The following PCDHGA5 variants were observed in gnomAD, a reference collection of about 807,000 sequenced individuals.
PCDHGA5 encodes the protein protocadherin gamma-A5.
Under a neutral mutation model 56.7 loss-of-function variants are expected in PCDHGA5, and 36 were observed. The observed-to-expected ratio is 0.64, with a 90% CI of 0.49 to 0.84. The LOEUF (loss-of-function observed/expected upper bound fraction) is 0.84, where lower values mean the gene tolerates loss of function less well. Ranked by LOEUF, PCDHGA5 falls within the 40% of genes least tolerant of loss-of-function variation. The pLI, the probability that PCDHGA5 is intolerant of heterozygous loss-of-function variation, is 0.00. For synonymous variants in PCDHGA5, 563 were observed against 520.2 expected, an observed-to-expected ratio of 1.08 and a Z score of -1.12; for missense variants, 1,305 against 1,201.5, an observed-to-expected ratio of 1.09 and a Z score of -1.27.
intron 1 of PCDHGA5, among the ~76,000 whole-genome samples, chr5:141,446,739 T>A (rs1292920572): frequency 2.6e-5 from 4 of 152,180 alleles, no homozygotes; most frequent in African/African-American, 7.2e-5. Flanking sequence ...AGTGTGGGGA[T>A]TACAGGCGTG....
At chr5:141,390,285 A>T (rs1428739924) in intron 1 of PCDHGA5, 1 of 1,613,968 alleles carries the variant, frequency 6.2e-7, no homozygotes, top group Non-Finnish European at 8.5e-7. Flanking sequence ...CCATCAGGTG[A>T]GTTTCCTTTA....
rs987203685 is a variant in PCDHGA5 at position 141,403,829 on chromosome 5, C to A, written c.2421+37078C>A. ...TAATGAAAAACAATCTCTGCTATTC[C>A]AGCTTAATGAAAATACTGGGGAAAT... is the stretch of plus-strand genomic sequence containing the variant. On this transcript the variant is annotated intron_variant, in intron 1 of 3. Transcript: ENST00000518069. 1.2e-6 allele frequency: 2 copies of A among 1,613,602 alleles called. No homozygotes were observed. The highest frequency in any genetic ancestry group is 2.2e-5 in the East Asian group (1 of 44,884).
chr5:141,399,643 C>T, intron 1 of PCDHGA5: 1 of 1,613,832 alleles, frequency 6.2e-7, no homozygotes, highest in Non-Finnish European at 8.5e-7. Context: ...CATGAGCGCG[C>T]AAAGTGGGGT....
chr5:141,404,630 C>T (rs1391155615), intron 1 of PCDHGA5: 1 of 1,614,154 alleles, frequency 6.2e-7, no homozygotes, highest in Admixed American at 1.7e-5. Flanking sequence ...TGACAATGCC[C>T]CAGAAATCCT....
chr5:141,380,065 A>G (rs569464120), intron 1 of PCDHGA5, among the ~76,000 whole-genome samples: 1 of 151,950 alleles, frequency 6.6e-6, no homozygotes, highest in East Asian at 1.9e-4. Context: ...ATGCCTAGCT[A>G]ATTTTCATAC....
chr5:141,427,111 C>G (rs1324091636), intron 1 of PCDHGA5: 7 of 457,560 alleles, frequency 1.5e-5, no homozygotes, highest in South Asian at 1.1e-4. Context: ...GCGGAGATCA[C>G]CTACTCTTTC....
At chr5:141,421,184 C>G (rs2096551183) in intron 1 of PCDHGA5, 1 of 1,457,940 alleles carries the variant, frequency 6.9e-7, no homozygotes, top group African/African-American at 1.4e-5. Context: ...CGATTCACAA[C>G]CAACCAGCTC....
rs780268305 is a variant in PCDHGA5, at chr5:141,410,637, T to G, written c.2421+43886T>G. 1.9e-6 allele frequency: 3 copies of G among 1,599,938 alleles called. No homozygotes were observed. In the South Asian group the frequency reaches 3.3e-5, roughly 18 times the overall value. ...CTGACTTCGGTGAGTTTCTCTTTTT[T>G]GTGTGTGATTTATCTAATAGTCTAC... On this transcript the variant is annotated intron_variant, in intron 1 of 3. Transcript: ENST00000518069.
At chr5:141,389,254 T>C (rs1589085552) in intron 1 of PCDHGA5, 1 of 1,614,012 alleles carries the variant, frequency 6.2e-7, no homozygotes. Flanking sequence ...TCCTATATAG[T>C]CCACGTGGCC....
At chr5:141,384,494 T>G (rs900386629) in intron 1 of PCDHGA5, 2 of 1,613,972 alleles carry the variant, frequency 1.2e-6, no homozygotes, top group Admixed American at 1.7e-5. Context: ...CAACTAAGAG[T>G]GACTGCACAT....
At position 141,412,100 on chromosome 5, in the gene PCDHGA5, C is replaced by T. The variant is rs1041242156; in HGVS notation, c.2421+45349C>T. On this transcript the variant is annotated intron_variant, in intron 1 of 3. Coordinates refer to ENST00000518069, the MANE Select transcript of PCDHGA5 (RefSeq NM_018918.3). ...TTGCTACTGGGTTGATGGGCACACA[C>T]AGTTGAAGATATGTGAACCACTGGA... The T allele has an allele frequency of 2.0e-5, 3 of 152,180 alleles. No homozygotes were observed. In the South Asian group the frequency reaches 6.2e-4, roughly 31 times the overall value. 9.4% of individuals were successfully genotyped at this position (152,180 alleles called of 1,614,324 possible).
chr5:141,490,338 C>A lies in PCDHGA5; in HGVS notation c.2422-4469C>A, dbSNP rs1408559629. Reference sequence around the variant, plus strand: ...CTGTCCTAGAGAGCACACCAGTGGGCACAGTAGTGGGGTTGTTTAATGTGC... The same window carrying A: ...CTGTCCTAGAGAGCACACCAGTGGGAACAGTAGTGGGGTTGTTTAATGTGC... On this transcript the variant is annotated intron_variant, in intron 1 of 3. Coordinates refer to ENST00000518069, the MANE Select transcript of PCDHGA5 (RefSeq NM_018918.3). This position sits in a 1 kb window ranked among gnomAD's most constrained non-coding sequence, Gnocchi z 5.4. 6.2e-7 allele frequency: 1 copy of A among 1,614,184 alleles called. No homozygotes were observed. The highest frequency in any genetic ancestry group is 1.7e-5 in the Admixed American group (1 of 60,032).
chr5:141,478,736 T>C (rs2099474016), intron 1 of PCDHGA5: 1 of 1,534,678 alleles, frequency 6.5e-7, no homozygotes, highest in African/African-American at 1.4e-5. Flanking sequence ...GTGTGGTTTG[T>C]GGTCCCATTT....
intron 1 of PCDHGA5, chr5:141,412,443 T>C (rs1479281650): frequency 6.6e-6 from 1 of 152,204 alleles, no homozygotes; most frequent in Non-Finnish European, 1.5e-5. Context: ...TAATTAAGGC[T>C]CAGTAAAACT....
intron 1 of PCDHGA5, chr5:141,373,848 C>T (rs955090382): frequency 2.0e-5 from 9 of 446,824 alleles, no homozygotes; most frequent in Non-Finnish European, 3.5e-5. Flanking sequence ...GGACTCTAAG[C>T]GTCGCTGTTG....
intron 1 of PCDHGA5, chr5:141,428,239 G>T (rs1183885220): frequency 3.0e-6 from 3 of 997,526 alleles, no homozygotes; most frequent in Non-Finnish European, 4.6e-6. Flanking sequence ...CCTGCAGGAG[G>T]CACTGCCAGA....
intron 1 of PCDHGA5, 157 bp from the exon 2 acceptor site, chr5:141,494,650 T>G (rs1366776271): frequency 1.0e-6 from 1 of 960,138 alleles, no homozygotes; most frequent in East Asian, 1.1e-4. Context: ...CTGAGGTGTA[T>G]TTTGTCTTTG....
intron 1 of PCDHGA5, chr5:141,379,714 A>G (rs1315727028): frequency 6.6e-6 from 1 of 152,154 alleles, no homozygotes; most frequent in African/African-American, 2.4e-5. Flanking sequence ...CCTGGCAGTC[A>G]TGGAATTTGC....
At chr5:141,367,035 T>G (rs977436173) in intron 1 of PCDHGA5, 1 of 366,848 alleles carries the variant, frequency 2.7e-6, no homozygotes, top group Non-Finnish European at 4.9e-6. Flanking sequence ...GGAACTGCAG[T>G]TCTATTAATA....
Sources: gnomAD v4.1 joint callset for allele counts (sites outside exome capture counted in the v4.1 genomes callset) on GRCh38, gnomAD v4.1.1 for gene constraint, Gnocchi (gnomAD v3.1) non-coding constraint, MANE v1.5 for transcripts, NCBI Gene and HGNC (gene_info 2026-07-23, HGNC 2026-07-21) for gene names.